The following NFATC3 variants were observed in gnomAD, a reference collection of about 807,000 sequenced individuals.
NFATC3 encodes nuclear factor of activated T cells 3.
In NFATC3, 46 loss-of-function variants were observed where a neutral mutation model predicts 98.6. The observed-to-expected ratio is 0.47, with a 90% CI of 0.37 to 0.60. The LOEUF (loss-of-function observed/expected upper bound fraction) is 0.60, where lower values mean the gene tolerates loss of function less well. NFATC3 is among the 20% of genes least tolerant of loss of function. The pLI, the probability that NFATC3 is intolerant of heterozygous loss-of-function variation, is 0.00. For missense variants in NFATC3, 1,256 were observed against 1,295.5 expected, an observed-to-expected ratio of 0.97 and a Z score of 0.47; for synonymous variants, 512 against 472.2, an observed-to-expected ratio of 1.08 and a Z score of -1.09.
chr16:68,095,576 A>C (rs994545383), intron 1 of NFATC3, among the ~76,000 whole-genome samples: 1 of 150,840 alleles, frequency 6.6e-6, no homozygotes, highest in Non-Finnish European at 1.5e-5. Context: ...CTGGTCTTGA[A>C]CTCCCTACCT....
chr16:68,132,280 T>C (rs967742365), intron 3 of NFATC3, among the ~76,000 whole-genome samples: 6 of 152,104 alleles, frequency 3.9e-5, no homozygotes, highest in Non-Finnish European at 8.8e-5. Context: ...AGAGTGGTGA[T>C]AGAGGATGGA....
intron 1 of NFATC3, among the ~76,000 whole-genome samples, chr16:68,116,755 A>G (rs1362896346): frequency 1.3e-5 from 2 of 151,848 alleles, no homozygotes; most frequent in South Asian, 2.1e-4. Flanking sequence ...GGCTGGTACA[A>G]TAATTTCATT....
At chr16:68,136,018 G>A (rs999783203) in intron 3 of NFATC3, among the ~76,000 whole-genome samples, 1 of 151,876 alleles carries the variant, frequency 6.6e-6, no homozygotes, top group Non-Finnish European at 1.5e-5. Flanking sequence ...AGCCGAGATC[G>A]CGTCATTGCA....
intron 1 of NFATC3, among the ~76,000 whole-genome samples, chr16:68,121,410 G>A (rs1376521381): frequency 1.3e-5 from 2 of 149,646 alleles, no homozygotes; most frequent in Admixed American, 6.7e-5. Context: ...GGGCACAGAC[G>A]CTCCCTCACA....
intron 1 of NFATC3, among the ~76,000 whole-genome samples, chr16:68,106,206 A>G (rs1053121867): frequency 2.0e-5 from 3 of 152,044 alleles, no homozygotes; most frequent in African/African-American, 7.2e-5. Context: ...GTATTCTTAC[A>G]TATATTTTTG....
At chr16:68,175,438 T>G (rs1303354545) in intron 6 of NFATC3, among the ~76,000 whole-genome samples, 3 of 152,230 alleles carry the variant, frequency 2.0e-5, no homozygotes, top group African/African-American at 7.2e-5. Flanking sequence ...ATACCTCAAT[T>G]ATTTTTAAAG....
intron 9 of NFATC3, 98 bp from the exon 10 acceptor site, chr16:68,226,252 C>T: frequency 7.1e-7 from 1 of 1,400,968 alleles, no homozygotes; most frequent in East Asian, 2.7e-5. Flanking sequence ...TACAGAAAGC[C>T]ATGGGAAGGG....
chr16:68,132,390 TAAGTC>T (rs1348504274), intron 3 of NFATC3, among the ~76,000 whole-genome samples: 2 of 152,094 alleles, frequency 1.3e-5, no homozygotes, highest in Non-Finnish European at 2.9e-5. Context: ...GGAAGAGTAA[TAAGTC>T]AAGGAAAAAC....
In NFATC3 at chr16:68,226,947, GA is replaced by G. The variant is rs1443249607; in HGVS notation, c.*481del. ...AAGAAAAAAAAAGAAAAGAAAAAAA[GA>G]AAAAGAAAAAAATATCCCAAGCCCA... On this transcript the variant is annotated 3_prime_UTR_variant, in exon 10 of 10. Coordinates refer to ENST00000346183, the MANE Select transcript of NFATC3 (RefSeq NM_173165.3). 4.4e-5 allele frequency: 3 copies of G among 68,538 alleles called. No homozygotes were observed. The allele number at this position is 68,538 out of a possible 1,614,324, so 4.2% of individuals were successfully genotyped here.
Position 68,113,626 on chromosome 16 carries a change from C to T in NFATC3, c.104-8361C>T, listed in dbSNP as rs73612682. Among the ~76,000 whole-genome samples the T allele has an allele frequency of 5.0e-3, 763 of 152,212 alleles. 7 individuals carry two copies. Among genetic ancestry groups the T allele is most frequent in the African/African-American group, 0.017 (723 of 41,522 alleles). On this transcript the variant is annotated intron_variant, in intron 1 of 9. Coordinates refer to ENST00000346183, the MANE Select transcript of NFATC3 (RefSeq NM_173165.3). ...TGACTGCCCCTTGGCTGAGCAGGTT[C>T]GGCTGTGCTGGGGAGAATTCCCCTC...
chr16:68,114,815 C>T (rs909985550), intron 1 of NFATC3, among the ~76,000 whole-genome samples: 18 of 152,222 alleles, frequency 1.2e-4, no homozygotes, highest in South Asian at 2.1e-4. Context: ...TCTCGTGATC[C>T]GCCTGCCTCT....
chr16:68,122,131 A>C lies in NFATC3; in HGVS notation c.248A>C (p.His83Pro). The C allele has an allele frequency of 6.2e-7, 1 of 1,614,160 alleles. No individual in the cohort carries two copies. Among genetic ancestry groups the C allele is most frequent in the South Asian group, 1.1e-5 (1 of 91,078 alleles). Reference sequence around the variant, plus strand: ...TCACCATCGTTTCAGCTCCAAAGTCACAAAAACTATGAAGGAACTTGTGAG... The same window carrying C: ...TCACCATCGTTTCAGCTCCAAAGTCCCAAAAACTATGAAGGAACTTGTGAG... ...VLSPSFQLQS[H>P]KNYEGTCEIP... is the part of the protein sequence containing the mutation. The change falls in exon 2 of 10, where the codon CAC becomes CCC. Residue 83 changes from histidine (H) to proline (P), a missense_variant. Coordinates refer to ENST00000346183, the MANE Select transcript of NFATC3 (RefSeq NM_173165.3).
intron 9 of NFATC3, chr16:68,221,099 GACTT>G: frequency 7.5e-7 from 1 of 1,338,988 alleles, no homozygotes; most frequent in Non-Finnish European, 1.0e-6. Context: ...CATTCAAGAT[GACTT>G]GAAAAATTAA....
chr16:68,091,331 T>G (rs1257221595), intron 1 of NFATC3, among the ~76,000 whole-genome samples: 1 of 152,220 alleles, frequency 6.6e-6, no homozygotes, highest in African/African-American at 2.4e-5. Context: ...TAATAATGAC[T>G]TGCCTTTCTT....
intron 3 of NFATC3, among the ~76,000 whole-genome samples, chr16:68,155,590 A>G (rs968766938): frequency 2.6e-5 from 4 of 152,052 alleles, no homozygotes; most frequent in Non-Finnish European, 5.9e-5. Flanking sequence ...GATCTCTGGA[A>G]TCTGGCCAGC....
At chr16:68,146,309 G>A (rs1054984582) in intron 3 of NFATC3, among the ~76,000 whole-genome samples, 1 of 151,900 alleles carries the variant, frequency 6.6e-6, no homozygotes, top group African/African-American at 2.4e-5. Flanking sequence ...ATGTGATTCT[G>A]TAATCCCAGT....
At chr16:68,119,744 T>C (rs1192654052) in intron 1 of NFATC3, among the ~76,000 whole-genome samples, 1 of 152,220 alleles carries the variant, frequency 6.6e-6, no homozygotes, top group Non-Finnish European at 1.5e-5. Flanking sequence ...TATTTTCTCT[T>C]ACAGCAAATA....
chr16:68,169,872 C>T (rs1489510320), intron 5 of NFATC3, among the ~76,000 whole-genome samples: 2 of 151,482 alleles, frequency 1.3e-5, no homozygotes, highest in East Asian at 2.0e-4. Flanking sequence ...ACCCAGGAGG[C>T]GGAGGTTGCA....
intron 1 of NFATC3, among the ~76,000 whole-genome samples, chr16:68,110,450 A>G (rs1475531335): frequency 1.3e-5 from 2 of 151,644 alleles, no homozygotes; most frequent in South Asian, 2.1e-4. Context: ...CTGGGACTAC[A>G]GGTGCCCACC....
Sources: gnomAD v4.1 joint callset for allele counts (sites outside exome capture counted in the v4.1 genomes callset) on GRCh38, gnomAD v4.1.1 for gene constraint, MANE v1.5 for transcripts, NCBI Gene and HGNC (gene_info 2026-07-23, HGNC 2026-07-21) for gene names.